DCAF15: variants seen among roughly 807,000 people sequenced by gnomAD.
DCAF15 encodes the protein DDB1 and CUL4 associated factor 15, also known as DDB1- and CUL4-associated factor 15.
A neutral mutation model predicts 68.0 loss-of-function variants in DCAF15; 24 were observed. The observed-to-expected ratio is 0.35, with a 90% confidence interval of 0.26 to 0.50. DCAF15 has a LOEUF of 0.50. DCAF15 is among the 20% of genes least tolerant of loss of function. The pLI, the probability that DCAF15 is intolerant of heterozygous loss-of-function variation, is 0.98. For synonymous variants in DCAF15, 376 were observed against 341.6 expected (o/e 1.10, Z -1.11); for missense variants, 627 against 830.6 (o/e 0.75, Z 3.01).
chr19:13,954,297 G>T (rs778039755), intron 1 of DCAF15, 43 bp from the exon 2 acceptor site: 1 of 1,555,002 alleles, frequency 6.4e-7, no homozygotes, highest in Non-Finnish European at 8.8e-7. Context: ...GGGGCTGGGG[G>T]CTGCAGATGG....
chr19:13,956,190 T>C lies in DCAF15; in HGVS notation c.541T>C (p.Tyr181His). The part of the protein sequence containing the change: ...MMSDENHRDI[Y>H]VSTVAVPPPG... ...GAGTGACGAGAACCACCGTGACATC[T>C]ACGTCAGCACCGTGGCCGTGCCACC... The change falls in exon 5 of 13, where the codon TAC (tyrosine) becomes CAC (histidine). Residue 181 changes from tyrosine to histidine, a missense_variant. Tyr to His is a moderately conservative substitution (Grantham distance 83). Around this residue, in one of 3 missense-constraint regions of DCAF15, gnomAD observed 273 missense variants for 393.7 expected, o/e 0.69. Transcript: ENST00000254337. 1 of 1,611,586 alleles carries C rather than the reference T, an allele frequency of 6.2e-7. No homozygotes were observed. The highest frequency in any genetic ancestry group is 8.5e-7 in the Non-Finnish European group (1 of 1,179,582).
At position 13,954,446 on chromosome 19, in the gene DCAF15, G is replaced by T. The variant is rs1168528537; in HGVS notation, c.230+9G>T. 1 of 1,613,882 alleles carries T rather than the reference G, an allele frequency of 6.2e-7. No individual in the cohort carries two copies. ...GACTTCCTCTATGCAGGGTGAGGCT[G>T]GGCCCAGGCAAAGGGGGCAGGTGGG... On this transcript the variant is annotated intron_variant, in intron 2 of 12. Transcript: ENST00000254337.
intron 1 of DCAF15, among the ~76,000 whole-genome samples, chr19:13,953,688 C>G (rs966215892): frequency 1.3e-5 from 2 of 152,160 alleles, no homozygotes; most frequent in African/African-American, 4.8e-5. Flanking sequence ...TGAGGCTGTT[C>G]GGATATCCCT....
chr19:13,954,994 T>A (rs984875864), intron 3 of DCAF15, among the ~76,000 whole-genome samples: 1 of 152,028 alleles, frequency 6.6e-6, no homozygotes, highest in African/African-American at 2.4e-5. Context: ...TGTAGTCAGC[T>A]CCTCTGGAGG....
In DCAF15 at chr19:13,961,328, A is replaced by C. The variant is rs1056514038; in HGVS notation, c.*333A>C. On this transcript the variant is annotated 3_prime_UTR_variant, in exon 13 of 13. Coordinates refer to ENST00000254337, the MANE Select transcript of DCAF15 (RefSeq NM_138353.4). ...ACAGCTGTGGACGTTGCCCTCGGGGAGGTCGAATGGACCCCATTCCCCCTG... is the reference window on the plus strand; with the variant it reads ...ACAGCTGTGGACGTTGCCCTCGGGGCGGTCGAATGGACCCCATTCCCCCTG... The C allele has an allele frequency of 5.2e-5, 20 of 388,228 alleles. No individual in the cohort carries two copies. The highest frequency in any genetic ancestry group is 4.1e-4 in the African/African-American group (20 of 49,010). The allele number at this position is 388,228 out of a possible 1,614,324, so 24.0% of individuals were successfully genotyped here.
intron 6 of DCAF15, among the ~76,000 whole-genome samples, chr19:13,958,187 T>C (rs960108546): frequency 2.6e-5 from 4 of 152,188 alleles, no homozygotes; most frequent in Non-Finnish European, 5.9e-5. Flanking sequence ...CCCTTTTGGC[T>C]GTGGGTCCTG....
Position 13,954,431 on chromosome 19 carries a change from A to C in DCAF15, c.224A>C (p.Tyr75Ser), listed in dbSNP as rs771570067. Residue 75 changes from tyrosine (Y) to serine (S), a missense_variant, in exon 2 of 13, where the codon TAT (tyrosine) becomes TCT (serine). Coordinates refer to ENST00000254337, the MANE Select transcript of DCAF15 (RefSeq NM_138353.4). ...LKNIVDEDFL[Y>S]AGHIFLGFSK... ...AACATTGTGGATGAGGACTTCCTCT[A>C]TGCAGGGTGAGGCTGGGCCCAGGCA... The C allele has an allele frequency of 6.3e-7, 1 of 1,593,476 alleles. No homozygotes were observed. The highest frequency in any genetic ancestry group is 1.1e-5 in the South Asian group (1 of 90,568).
intron 3 of DCAF15, among the ~76,000 whole-genome samples, chr19:13,955,140 G>C (rs1973301649): frequency 6.6e-6 from 1 of 151,536 alleles, no homozygotes; most frequent in African/African-American, 2.4e-5. Context: ...ACAAATGAAG[G>C]CTGGCCACAG....
At chr19:13,958,593 G>A (rs1168736839) in intron 6 of DCAF15, among the ~76,000 whole-genome samples, 1 of 152,144 alleles carries the variant, frequency 6.6e-6, no homozygotes, top group Non-Finnish European at 1.5e-5. Flanking sequence ...TCGATGAAGT[G>A]TGCCCGCAGT....
intron 6 of DCAF15, among the ~76,000 whole-genome samples, chr19:13,958,499 T>A (rs1458698049): frequency 6.6e-6 from 1 of 152,118 alleles, no homozygotes; most frequent in Non-Finnish European, 1.5e-5. Flanking sequence ...CAGGGTTGCT[T>A]AGTGAATATG....
In DCAF15 at chr19:13,956,500, C is replaced by T. The variant is rs1324484279; in HGVS notation, c.762C>T (p.Cys254=). The change falls in exon 6 of 13, where the codon TGC becomes TGT. Residue 254 remains cysteine (C), a synonymous_variant. Coordinates refer to ENST00000254337, the MANE Select transcript of DCAF15 (RefSeq NM_138353.4). The stretch of plus-strand genomic sequence containing the variant: ...ACACCAGCTACTCCCTGGTGGCCTG[C>T]GCCGTCTCCGTCCACTCGGCAGGTA... The part of the protein sequence containing the change: ...LLNTSYSLVA[C]AVSVHSAGDR... The T allele has an allele frequency of 1.9e-5, 31 of 1,613,142 alleles. No individual in the cohort carries two copies. The highest frequency in any genetic ancestry group is 2.3e-5 in the Non-Finnish European group (27 of 1,180,026).
At chr19:13,959,958 T>C (rs369235233) in intron 9 of DCAF15, 26 bp from the exon 10 acceptor site, 1 of 1,606,590 alleles carries the variant, frequency 6.2e-7, no homozygotes, top group African/African-American at 1.4e-5. Context: ...CCCTCAACAG[T>C]TGGCATCATC....
In DCAF15 at chr19:13,956,385, T is replaced by C; in HGVS notation, c.647T>C (p.Phe216Ser). Residue 216 changes from phenylalanine (F) to serine (S), a missense_variant, in exon 6 of 13, where the codon TTC (phenylalanine) becomes TCC (serine). Physicochemically the swap from Phe to Ser is radical, Grantham distance 155. Around this residue, in one of 3 missense-constraint regions of DCAF15, gnomAD observed 273 missense variants for 393.7 expected, o/e 0.69. Transcript: ENST00000254337. ...DPNAQCLRHGFMLHTKYQVVY... is the reference protein window; with the variant it reads ...DPNAQCLRHGSMLHTKYQVVY... ...AATGCACAGTGCCTACGGCATGGCT[T>C]CATGCTGCACACCAAGTACCAGGTG... 6.2e-7 allele frequency: 1 copy of C among 1,613,854 alleles called. No individual in the cohort carries two copies. The highest frequency in any genetic ancestry group is 8.5e-7 in the Non-Finnish European group (1 of 1,180,020).
chr19:13,961,140 C>A lies in DCAF15; in HGVS notation c.*145C>A. On this transcript the variant is annotated 3_prime_UTR_variant, in exon 13 of 13. Coordinates refer to ENST00000254337, the MANE Select transcript of DCAF15 (RefSeq NM_138353.4). ...GCCTGCGGAACGGGGCTGGGCAGGG[C>A]AGCCTCTGTTGGCCTGAGGGTCTGG... The A allele has an allele frequency of 1.0e-6, 1 of 987,648 alleles. No homozygotes were observed. Among genetic ancestry groups the A allele is most frequent in the Non-Finnish European group, 1.5e-6 (1 of 655,246 alleles). The allele number at this position is 987,648 out of a possible 1,614,324, so 61.2% of individuals were successfully genotyped here. A position where few individuals can be genotyped will look rare whatever the true frequency, so the allele number is the denominator to read the frequency against.
rs749059260 is a variant in DCAF15 at position 13,960,296 on chromosome 19, C to G, written c.1536C>G (p.Thr512=). Residue 512 remains threonine (T), a synonymous_variant, in exon 11 of 13, where the codon ACC becomes ACG. Coordinates refer to ENST00000254337, the MANE Select transcript of DCAF15 (RefSeq NM_138353.4). ...PTEEGQLRPK[T]YHTSLKVAWD... The stretch of plus-strand genomic sequence containing the variant: ...TCCCTCTCCACTGTAGACCAAAGAC[C>G]TATCACACCAGCCTCAAGGTGGCAT... The G allele has an allele frequency of 2.5e-6, 4 of 1,613,982 alleles. No homozygotes were observed. The highest frequency in any genetic ancestry group is 3.3e-5 in the Admixed American group (2 of 60,026).
rs879681069 is a variant in DCAF15 at position 13,961,083 on chromosome 19, G to A, written c.*88G>A. ...TGGGGTGGCCTCTTCCTGGCCGGCT[G>A]GCCCACCGACTGATGACCGGCACTA... On this transcript the variant is annotated 3_prime_UTR_variant, in exon 13 of 13. Transcript: ENST00000254337. 3.7e-5 allele frequency: 57 copies of A among 1,521,280 alleles called. No individual in the cohort carries two copies. The highest frequency in any genetic ancestry group is 4.8e-5 in the Non-Finnish European group (53 of 1,109,356). The allele number at this position is 1,521,280 out of a possible 1,614,324, so 94.2% of individuals were successfully genotyped here.
rs761052547 is a variant in DCAF15, at chr19:13,956,563, G to A, written c.784+41G>A. 4.4e-6 allele frequency: 7 copies of A among 1,604,650 alleles called. No individual in the cohort carries two copies. The East Asian group carries it at 1.6e-4, about 36-fold the overall frequency. On this transcript the variant is annotated intron_variant, in intron 6 of 12. Transcript: ENST00000254337. Reference sequence around the variant, plus strand: ...TCGTGGCCACCCGGCAACGCGTGAAGCGGGTCCTCTCCCTACCCCACCACA... The same window carrying A: ...TCGTGGCCACCCGGCAACGCGTGAAACGGGTCCTCTCCCTACCCCACCACA...
chr19:13,960,790 A>G, intron 12 of DCAF15, 150 bp from the exon 13 acceptor site: 4 of 1,023,716 alleles, frequency 3.9e-6, no homozygotes, highest in Non-Finnish European at 5.8e-6. Context: ...CGCTACATTT[A>G]TTGGGTAGCT....
At chr19:13,952,694 G>A in intron 1 of DCAF15, 50 bp downstream of exon 1, 1 of 1,186,842 alleles carries the variant, frequency 8.4e-7, no homozygotes, top group East Asian at 4.7e-5. Context: ...GGGGAGTAGG[G>A]ACGAGGGAGG....
Sources: gnomAD v4.1 joint callset for allele counts (sites outside exome capture counted in the v4.1 genomes callset) on GRCh38, gnomAD v4.1.1 for gene constraint, gnomAD v4.1.1 regional missense constraint, MANE v1.5 for transcripts, NCBI Gene and HGNC (gene_info 2026-07-23, HGNC 2026-07-21) for gene names.